The following INPP4B variants were observed in gnomAD, a reference collection of about 807,000 sequenced individuals.
The protein encoded by INPP4B is inositol polyphosphate-4-phosphatase type II B, also known as inositol polyphosphate 4-phosphatase type II.
INPP4B carries 55 observed loss-of-function variants against 122.5 expected under a neutral mutation model. The ratio of observed to expected loss-of-function variants is 0.45; its 90% CI spans 0.36 to 0.56. The LOEUF is 0.56. Among genes scored for constraint, INPP4B ranks in the 20% least tolerant of loss-of-function variants. The pLI is 0.00. For synonymous variants in INPP4B, 403 were observed against 388.7 expected (o/e 1.04, Z -0.43); for missense variants, 1,000 against 1,097.7 (o/e 0.91, Z 1.26).
chr4:142,606,522 C>T (rs1050939718), intron 2 of INPP4B, among the ~76,000 whole-genome samples: 12 of 151,884 alleles, frequency 7.9e-5, no homozygotes, highest in African/African-American at 2.9e-4. Flanking sequence ...GTACCCTATA[C>T]ATGTGTAAAT....
intron 1 of INPP4B, among the ~76,000 whole-genome samples, chr4:142,819,039 G>C (rs1780486649): frequency 6.6e-6 from 1 of 152,146 alleles, no homozygotes; most frequent in African/African-American, 2.4e-5. Context: ...AGAGATGAAG[G>C]ACTCCAGTCA....
chr4:142,189,060 C>T (rs1834545858), intron 15 of INPP4B, among the ~76,000 whole-genome samples: 1 of 152,134 alleles, frequency 6.6e-6, no homozygotes, highest in South Asian at 2.1e-4. Context: ...AAAAAGTCTC[C>T]TATTTATAAT....
chr4:142,326,607 A>G (rs1022390907), intron 7 of INPP4B, among the ~76,000 whole-genome samples: 5 of 152,172 alleles, frequency 3.3e-5, no homozygotes, highest in Non-Finnish European at 7.3e-5. Context: ...ATAAGCAAAA[A>G]TAATTGTACC....
At chr4:142,493,685 A>G (rs1822165088) in intron 2 of INPP4B, among the ~76,000 whole-genome samples, 1 of 152,130 alleles carries the variant, frequency 6.6e-6, no homozygotes, top group African/African-American at 2.4e-5. Context: ...ATTTTATAGG[A>G]AGTAACTAAG....
intron 11 of INPP4B, among the ~76,000 whole-genome samples, chr4:142,244,430 G>C (rs187214266): frequency 6.6e-6 from 1 of 151,218 alleles, no homozygotes; most frequent in Admixed American, 6.6e-5. Flanking sequence ...CTCCCGAGTA[G>C]CTGGGACTAC....
chr4:142,131,335 C>T lies in INPP4B; in HGVS notation c.1721-6575G>A, dbSNP rs183344722. Among the ~76,000 whole-genome samples the T allele has an allele frequency of 2.0e-4, 30 of 152,228 alleles. No individual in the cohort carries two copies. In the East Asian group the frequency reaches 5.6e-3, roughly 28 times the overall value. ...GTAGTGGATACTGAGTTGACTGAAT[C>T]CTTATCAGAGTACAGGCAATCAGAG... is the stretch of plus-strand genomic sequence containing the variant. On this transcript the variant is annotated intron_variant, in intron 18 of 25. Coordinates refer to ENST00000262992, the MANE Select transcript of INPP4B (RefSeq NM_001101669.3).
chr4:142,296,895 T>A (rs2151051098), intron 9 of INPP4B, among the ~76,000 whole-genome samples: 1 of 152,298 alleles, frequency 6.6e-6, no homozygotes, highest in African/African-American at 2.4e-5. Context: ...TTAACAGAGT[T>A]AACATAAAAT....
chr4:142,716,167 TG>T (rs956082556), intron 2 of INPP4B, among the ~76,000 whole-genome samples: 14 of 152,208 alleles, frequency 9.2e-5, no homozygotes, highest in Non-Finnish European at 1.6e-4. Flanking sequence ...CACCTCTTGA[TG>T]GGGATGCCAA....
chr4:142,035,303 G>C (rs1743144591), intron 25 of INPP4B, among the ~76,000 whole-genome samples: 2 of 152,182 alleles, frequency 1.3e-5, no homozygotes, highest in South Asian at 4.1e-4. Flanking sequence ...GGATGAATGA[G>C]ATCGTCCCAA....
intron 2 of INPP4B, among the ~76,000 whole-genome samples, chr4:142,649,354 G>A (rs1002406491): frequency 6.6e-6 from 1 of 152,190 alleles, no homozygotes; most frequent in Admixed American, 6.5e-5. Context: ...ATGGAACAAA[G>A]CTGGAGAGAG....
intron 15 of INPP4B, among the ~76,000 whole-genome samples, chr4:142,182,632 G>T (rs1189481712): frequency 6.7e-6 from 1 of 149,176 alleles, no homozygotes; most frequent in Non-Finnish European, 1.5e-5. Flanking sequence ...TTCTCAAAAT[G>T]TCTCTTTAAT....
chr4:142,515,719 G>A (rs900216461), intron 2 of INPP4B, among the ~76,000 whole-genome samples: 3 of 152,172 alleles, frequency 2.0e-5, no homozygotes, highest in Admixed American at 6.5e-5. Flanking sequence ...GTAAGGATAT[G>A]ATGTTCAAAG....
At chr4:142,076,477 C>A (rs933302270) in intron 25 of INPP4B, among the ~76,000 whole-genome samples, 1 of 151,968 alleles carries the variant, frequency 6.6e-6, no homozygotes, top group East Asian at 1.9e-4. Context: ...ATTAATAACC[C>A]TGAGATGAAG....
At chr4:142,317,716 A>G (rs577476852) in intron 7 of INPP4B, among the ~76,000 whole-genome samples, 10 of 152,316 alleles carry the variant, frequency 6.6e-5, no homozygotes, top group South Asian at 4.1e-4. Context: ...TGACTTCTTG[A>G]GCTAAATGTC....
chr4:142,776,013 C>T (rs966209996), intron 1 of INPP4B, among the ~76,000 whole-genome samples: 1 of 152,032 alleles, frequency 6.6e-6, no homozygotes, highest in African/African-American at 2.4e-5. Flanking sequence ...TAAAATATAT[C>T]TATGTCTTTC....
chr4:142,503,985 A>G (rs1268808793), intron 2 of INPP4B, among the ~76,000 whole-genome samples: 1 of 152,058 alleles, frequency 6.6e-6, no homozygotes, highest in African/African-American at 2.4e-5. Context: ...AAACAAAAAC[A>G]TTAGGAGACA....
At chr4:142,275,971 C>A (rs1036365765) in intron 9 of INPP4B, among the ~76,000 whole-genome samples, 1 of 151,698 alleles carries the variant, frequency 6.6e-6, no homozygotes, top group Non-Finnish European at 1.5e-5. Flanking sequence ...TGAGACCTAA[C>A]CTTTCATTCT....
chr4:142,405,118 T>TGGGC (rs1802943117), intron 6 of INPP4B, 88 bp downstream of exon 6: 2 of 531,514 alleles, frequency 3.8e-6, no homozygotes, highest in Admixed American at 6.0e-5. Context: ...GGGGCGGGGG[T>TGGGC]GGGGGGGAGG....
chr4:142,823,882 G>C (rs759687454), intron 1 of INPP4B, among the ~76,000 whole-genome samples: 1 of 152,226 alleles, frequency 6.6e-6, no homozygotes, highest in East Asian at 1.9e-4. Context: ...CATTATTTCT[G>C]GGTGTGTCTG....
Sources: allele counts gnomAD v4.1 joint callset (sites outside exome capture counted in the v4.1 genomes callset), GRCh38; gene constraint gnomAD v4.1.1; transcripts MANE v1.5; gene names NCBI Gene and HGNC (gene_info 2026-07-23, HGNC 2026-07-21).